CPN1: variants seen among roughly 807,000 people sequenced by gnomAD.
The protein encoded by CPN1 is carboxypeptidase N catalytic chain.
CPN1 carries 37 observed loss-of-function variants against 46.4 expected under a neutral mutation model. The observed-to-expected ratio is 0.80, with a 90% CI of 0.61 to 1.05. CPN1 has a LOEUF of 1.05. CPN1 is among the 50% of genes least tolerant of loss of function. The pLI is 0.00. For missense variants in CPN1, 563 were observed against 602.6 expected (o/e 0.93, Z 0.69); for synonymous variants, 224 against 235.4 (o/e 0.95, Z 0.44).
At chr10:100,074,645 G>A (rs1198851596) in intron 2 of CPN1, among the ~76,000 whole-genome samples, 1 of 151,978 alleles carries the variant, frequency 6.6e-6, no homozygotes, top group Non-Finnish European at 1.5e-5. Flanking sequence ...TCGAACTCCC[G>A]ACCTCAGGTG....
intron 5 of CPN1, among the ~76,000 whole-genome samples, chr10:100,058,501 A>G (rs2041398182): frequency 6.6e-6 from 1 of 152,150 alleles, no homozygotes; most frequent in Admixed American, 6.6e-5. Context: ...ACATTATTCA[A>G]TTGAATCAAT....
chr10:100,042,336 T>C lies in CPN1; in HGVS notation c.*91A>G. ...TGTTCTGAATATGTTTGTATTTAAA[T>C]ATGTCCCAGATAATAAAATAGAAAG... On this transcript the variant is annotated 3_prime_UTR_variant, in exon 9 of 9. Transcript: ENST00000370418. The C allele has an allele frequency of 6.6e-7, 1 of 1,514,270 alleles. No homozygotes were observed. Among genetic ancestry groups the C allele is most frequent in the Non-Finnish European group, 9.1e-7 (1 of 1,093,320 alleles). 93.8% of individuals were successfully genotyped at this position (1,514,270 alleles called of 1,614,324 possible).
At chr10:100,063,554 TAGA>T in intron 5 of CPN1, 57 bp downstream of exon 5, 1 of 1,270,440 alleles carries the variant, frequency 7.9e-7, no homozygotes, top group African/African-American at 1.5e-5. Context: ...ACTGGGAATT[TAGA>T]AGGAGAAATG....
At chr10:100,067,691 T>C (rs2041462009) in intron 3 of CPN1, among the ~76,000 whole-genome samples, 1 of 152,146 alleles carries the variant, frequency 6.6e-6, no homozygotes, top group Admixed American at 6.5e-5. Context: ...CCTAGTTATT[T>C]TCAGGAGCAG....
chr10:100,054,521 C>A, intron 6 of CPN1, 75 bp from the exon 7 acceptor site: 1 of 1,220,188 alleles, frequency 8.2e-7, no homozygotes, highest in South Asian at 1.2e-5. Context: ...TCTCAAAGCC[C>A]TTTCTCTTAT....
chr10:100,060,697 G>A (rs2041411651), intron 5 of CPN1, among the ~76,000 whole-genome samples: 1 of 152,202 alleles, frequency 6.6e-6, no homozygotes, highest in Non-Finnish European at 1.5e-5. Context: ...TCTCCAAATA[G>A]TATGGAGGTT....
chr10:100,081,804 A>T lies in CPN1; in HGVS notation c.-179T>A. 8 of 651,064 alleles carry T rather than the reference A, an allele frequency of 1.2e-5. No homozygotes were observed. The South Asian group carries it at 1.3e-4, about 11-fold the overall frequency. The allele number at this position is 651,064 out of a possible 1,614,324, so 40.3% of individuals were successfully genotyped here. On this transcript the variant is annotated 5_prime_UTR_variant, in exon 1 of 9. An upstream open reading frame in the 5' UTR gains an earlier in-frame stop. Transcript: ENST00000370418. Reference sequence around the variant, plus strand: ...TGGAAATTCTTTATGTCGTTCTGGAATAGCCACTCATCTCTCCTCCCTCAC... The same window carrying T: ...TGGAAATTCTTTATGTCGTTCTGGATTAGCCACTCATCTCTCCTCCCTCAC...
chr10:100,049,286 A>C, intron 7 of CPN1, among the ~76,000 whole-genome samples: 1 of 125,862 alleles, frequency 7.9e-6, no homozygotes, highest in Non-Finnish European at 1.6e-5. Context: ...ATGGAGTCTC[A>C]CTCTGTCACT....
intron 6 of CPN1, 24 bp downstream of exon 6, chr10:100,056,989 G>A (rs1289805928): frequency 2.5e-6 from 4 of 1,613,926 alleles, no homozygotes; most frequent in Non-Finnish European, 3.4e-6. Context: ...TTGCAAACAT[G>A]AGAGTTAACA....
chr10:100,076,174 C>A lies in CPN1; in HGVS notation c.224-67G>T. Reference sequence around the variant, plus strand: ...TTGATGCCTAACCTTGCAGAAGGACCTTTTTTCTCTTTTTCAGTAACGAAT... The same window carrying A: ...TTGATGCCTAACCTTGCAGAAGGACATTTTTTCTCTTTTTCAGTAACGAAT... On this transcript the variant is annotated intron_variant, in intron 1 of 8. Transcript: ENST00000370418. The A allele has an allele frequency of 6.9e-6, 10 of 1,456,400 alleles. 1 individual carries two copies. The South Asian group carries it at 9.1e-5, about 13-fold the overall frequency. 90.2% of individuals were successfully genotyped at this position (1,456,400 alleles called of 1,614,324 possible).
rs140666731 is a variant in CPN1 at position 100,057,041 on chromosome 10, C to T, written c.983G>A (p.Arg328Gln). ...TTCCAGGAACTGGATTAGGGCTTCC[C>T]GATTACCCAGCCACTCCCGCTGTAA... ...EELQREWLGN[R>Q]EALIQFLEQV... The change falls in exon 6 of 9, where the codon CGG becomes CAG. Residue 328 changes from arginine (R) to glutamine (Q), a missense_variant. Physicochemically the swap from Arg to Gln is conservative, Grantham distance 43 (BLOSUM62 1). Coordinates refer to ENST00000370418, the MANE Select transcript of CPN1 (RefSeq NM_001308.3). 1.1e-5 allele frequency: 18 copies of T among 1,614,098 alleles called. No individual in the cohort carries two copies. The highest frequency in any genetic ancestry group is 3.3e-5 in the South Asian group (3 of 91,072).
At chr10:100,069,299 G>A (rs542477963) in intron 3 of CPN1, among the ~76,000 whole-genome samples, 208 of 152,122 alleles carry the variant, frequency 1.4e-3, no homozygotes, top group Non-Finnish European at 2.7e-3. Context: ...CTGGTCAAAC[G>A]GTGAAACCCC....
chr10:100,065,330 G>A lies in CPN1; in HGVS notation c.617C>T (p.Ser206Phe). The A allele has an allele frequency of 6.2e-7, 1 of 1,614,204 alleles. No homozygotes were observed. The highest frequency in any genetic ancestry group is 8.5e-7 in the Non-Finnish European group (1 of 1,180,030). ...ETRAVIRWMH[S>F]FNFVLSANLH... is the part of the protein sequence containing the mutation. Reference sequence around the variant, plus strand: ...ATTGGCTGAAAGAACAAAGTTGAAGGAGTGCATCCACCGGATCACCGCCCG... The same window carrying A: ...ATTGGCTGAAAGAACAAAGTTGAAGAAGTGCATCCACCGGATCACCGCCCG... The change falls in exon 4 of 9, where the codon TCC (serine) becomes TTC (phenylalanine). Residue 206 changes from serine (S) to phenylalanine (F), a missense_variant. Ser to Phe is a radical substitution (Grantham distance 155). Transcript: ENST00000370418.
chr10:100,066,935 C>G (rs1433991914), intron 3 of CPN1, among the ~76,000 whole-genome samples: 1 of 152,198 alleles, frequency 6.6e-6, no homozygotes, highest in African/African-American at 2.4e-5. Context: ...TCCTCTTCCT[C>G]AAGGATATTC....
intron 2 of CPN1, among the ~76,000 whole-genome samples, chr10:100,072,084 T>C (rs1263316531): frequency 6.6e-6 from 1 of 152,206 alleles, no homozygotes; most frequent in African/African-American, 2.4e-5. Flanking sequence ...AGTCTTTGTG[T>C]GGATGTATGT....
In CPN1 at chr10:100,080,521, G is replaced by A. The variant is rs1470097579; in HGVS notation, c.223+882C>T. ...TTAACAGTGGTGGGATTTGGGGTGA[G>A]TTTTATTATTTTTTTTCCTTATCTA... On this transcript the variant is annotated intron_variant, in intron 1 of 8. Transcript: ENST00000370418. Among the ~76,000 whole-genome samples, 5 of 152,152 alleles carry A rather than the reference G, an allele frequency of 3.3e-5. No homozygotes were observed. In the East Asian group the frequency reaches 9.6e-4, roughly 29 times the overall value.
intron 3 of CPN1, 39 bp from the exon 4 acceptor site, chr10:100,065,409 GGGGCTAC>G: frequency 6.2e-7 from 1 of 1,611,588 alleles, no homozygotes; most frequent in Non-Finnish European, 8.5e-7. Flanking sequence ...AGGGCCAACT[GGGGCTAC>G]CAAACAAACG....
At chr10:100,078,487 G>C (rs962161067) in intron 1 of CPN1, among the ~76,000 whole-genome samples, 2 of 152,164 alleles carry the variant, frequency 1.3e-5, no homozygotes, top group African/African-American at 4.8e-5. Context: ...CCCTGCAGCT[G>C]CCTAGCCCCT....
At chr10:100,072,665 A>G (rs1309572892) in intron 2 of CPN1, among the ~76,000 whole-genome samples, 2 of 152,162 alleles carry the variant, frequency 1.3e-5, no homozygotes, top group African/African-American at 2.4e-5. Context: ...CTCACTCATT[A>G]GGTCATCTAT....
Sources: gnomAD v4.1 joint callset for allele counts (sites outside exome capture counted in the v4.1 genomes callset) on GRCh38, gnomAD v4.1.1 for gene constraint, MANE v1.5 for transcripts, NCBI Gene and HGNC (gene_info 2026-07-23, HGNC 2026-07-21) for gene names.